ARRB1: variants seen among roughly 807,000 people sequenced by gnomAD.
ARRB1 encodes beta-arrestin-1.
A neutral mutation model predicts 56.8 loss-of-function variants in ARRB1; 21 were observed. The observed-to-expected ratio is 0.37, with a 90% confidence interval of 0.26 to 0.53. ARRB1 has a LOEUF of 0.53. Among genes scored for constraint, ARRB1 ranks in the 20% least tolerant of loss-of-function variants. ARRB1 has a pLI of 0.88. For synonymous variants in ARRB1, 210 were observed against 218.6 expected (o/e 0.96, Z 0.35); for missense variants, 424 against 553.7 (o/e 0.77, Z 2.35).
At chr11:75,321,004 GCA>G (rs1359142442) in intron 1 of ARRB1, among the ~76,000 whole-genome samples, 2 of 152,142 alleles carry the variant, frequency 1.3e-5, no homozygotes, top group East Asian at 1.9e-4. Flanking sequence ...CAACACACGT[GCA>G]CAGACACACA....
intron 1 of ARRB1, among the ~76,000 whole-genome samples, chr11:75,290,559 ACTT>A (rs988394856): frequency 1.3e-5 from 2 of 149,788 alleles, no homozygotes; most frequent in African/African-American, 2.5e-5. Flanking sequence ...CTCTTGCTCT[ACTT>A]CTTCTTTTTC....
intron 11 of ARRB1, 100 bp downstream of exon 11, chr11:75,273,974 G>A: frequency 6.4e-7 from 1 of 1,553,656 alleles, no homozygotes; most frequent in South Asian, 1.2e-5. Flanking sequence ...TATGGAGAGG[G>A]TAGCCTGAGC....
At chr11:75,338,343 A>C (rs988517814) in intron 1 of ARRB1, among the ~76,000 whole-genome samples, 1 of 152,150 alleles carries the variant, frequency 6.6e-6, no homozygotes, top group African/African-American at 2.4e-5. Context: ...GTGGGGCTTG[A>C]CCTGAGCCAG....
At chr11:75,279,962 C>A (rs1946290111) in intron 7 of ARRB1, among the ~76,000 whole-genome samples, 1 of 152,228 alleles carries the variant, frequency 6.6e-6, no homozygotes. Context: ...AGCCACCACG[C>A]CCAGCAAGGA....
At chr11:75,334,730 C>T (rs1388462541) in intron 1 of ARRB1, among the ~76,000 whole-genome samples, 3 of 152,160 alleles carry the variant, frequency 2.0e-5, no homozygotes, top group African/African-American at 7.2e-5. Flanking sequence ...TTCAGCCTGC[C>T]CCAGAACTGG....
intron 1 of ARRB1, among the ~76,000 whole-genome samples, chr11:75,294,329 G>C (rs889964214): frequency 1.3e-5 from 2 of 152,056 alleles, no homozygotes; most frequent in African/African-American, 4.8e-5. Flanking sequence ...AGCCGAGGTG[G>C]GAGGATCACT....
intron 1 of ARRB1, among the ~76,000 whole-genome samples, chr11:75,343,223 G>A (rs1417616572): frequency 6.6e-6 from 1 of 152,212 alleles, no homozygotes; most frequent in Non-Finnish European, 1.5e-5. Context: ...CTGAGAGAGA[G>A]AGATTACAAG....
intron 14 of ARRB1, among the ~76,000 whole-genome samples, chr11:75,268,225 C>A (rs1429104436): frequency 6.6e-6 from 1 of 152,026 alleles, no homozygotes; most frequent in African/African-American, 2.4e-5. Flanking sequence ...ACAGGCCAGG[C>A]CAGGCATGGT....
intron 1 of ARRB1, among the ~76,000 whole-genome samples, chr11:75,296,876 C>T (rs1334912266): frequency 1.3e-5 from 2 of 152,078 alleles, no homozygotes; most frequent in Non-Finnish European, 1.5e-5. Context: ...TGGGGTTTCA[C>T]CATGTTGTCC....
At chr11:75,273,239 G>A (rs1293782278) in intron 11 of ARRB1, among the ~76,000 whole-genome samples, 1 of 152,198 alleles carries the variant, frequency 6.6e-6, no homozygotes, top group East Asian at 1.9e-4. Context: ...GCCCAGGCCA[G>A]CGTCCCCGCC....
chr11:75,283,356 C>T lies in ARRB1; in HGVS notation c.285G>A (p.Lys95=). The T allele has an allele frequency of 1.2e-6, 2 of 1,614,164 alleles. No individual in the cohort carries two copies. The highest frequency in any genetic ancestry group is 1.3e-5 in the African/African-American group (1 of 75,070). Residue 95 remains lysine, a synonymous_variant, in exon 5 of 16, where the codon AAG becomes AAA. Transcript: ENST00000420843. ...QSFPPAPEDK[K]PLTRLQERLI... is the part of the protein sequence containing the mutation. ...GGCGTTCCTGCAGCCGCGTCAGGGGCTTCTTGTCCTCGGGGGCCGGTGGGA... is the reference window on the plus strand; with the variant it reads ...GGCGTTCCTGCAGCCGCGTCAGGGGTTTCTTGTCCTCGGGGGCCGGTGGGA...
chr11:75,266,882 G>C (rs372018891), intron 15 of ARRB1, among the ~76,000 whole-genome samples: 1 of 152,162 alleles, frequency 6.6e-6, no homozygotes, highest in Non-Finnish European at 1.5e-5. Context: ...ATCTAAATAG[G>C]GGGGCAGAGG....
intron 1 of ARRB1, chr11:75,306,802 T>C (rs1591956475): frequency 3.3e-6 from 2 of 613,988 alleles, no homozygotes; most frequent in East Asian, 6.8e-5. Flanking sequence ...TCTCGGGCCA[T>C]GGAGGGCGGA....
At chr11:75,337,783 T>C (rs1947629119) in intron 1 of ARRB1, among the ~76,000 whole-genome samples, 1 of 126,566 alleles carries the variant, frequency 7.9e-6, no homozygotes, top group Admixed American at 8.7e-5. Context: ...TTCATTGAAA[T>C]GTCTTTTTTT....
intron 6 of ARRB1, chr11:75,281,726 C>T: frequency 1.9e-6 from 1 of 540,418 alleles, no homozygotes; most frequent in Non-Finnish European, 3.3e-6. Flanking sequence ...CAGCCAACGC[C>T]ACCCAGGAGA....
At position 75,283,486 on chromosome 11, in the gene ARRB1, G is replaced by A. The variant is rs1436068460; in HGVS notation, c.158-3C>T. The A allele has an allele frequency of 1.9e-6, 3 of 1,602,502 alleles. No homozygotes were observed. Among genetic ancestry groups the A allele is most frequent in the South Asian group, 1.1e-5 (1 of 89,948 alleles). ...GGCGCAGGTCAGCGTCACATAGACT[G>A]TGGGGAGCGAGGAGCACTGAGGAGG... On this transcript the variant is annotated splice_polypyrimidine_tract_variant and splice_region_variant and intron_variant, in intron 4 of 15. Coordinates refer to ENST00000420843, the MANE Select transcript of ARRB1 (RefSeq NM_004041.5).
intron 1 of ARRB1, among the ~76,000 whole-genome samples, chr11:75,322,615 G>A (rs1947364928): frequency 6.6e-6 from 1 of 152,200 alleles, no homozygotes; most frequent in South Asian, 2.1e-4. Context: ...TGGGGGCAGG[G>A]CCTGGTCACC....
At chr11:75,329,251 C>A (rs1947484784) in intron 1 of ARRB1, among the ~76,000 whole-genome samples, 1 of 152,080 alleles carries the variant, frequency 6.6e-6, no homozygotes, top group African/African-American at 2.4e-5. Flanking sequence ...TAGGCACGCA[C>A]CACCATGTCT....
At chr11:75,281,823 G>A in intron 6 of ARRB1, 139 bp downstream of exon 6, 1 of 845,398 alleles carries the variant, frequency 1.2e-6, no homozygotes, top group Non-Finnish European at 1.9e-6. Flanking sequence ...TCCAAGGTGG[G>A]ACCAGCTTAG....
Sources: gnomAD v4.1 joint callset for allele counts (sites outside exome capture counted in the v4.1 genomes callset) on GRCh38, gnomAD v4.1.1 for gene constraint, MANE v1.5 for transcripts, NCBI Gene and HGNC (gene_info 2026-07-23, HGNC 2026-07-21) for gene names.